KLHDC1: variants seen among roughly 807,000 people sequenced by gnomAD.
The protein encoded by KLHDC1 is kelch domain containing 1.
KLHDC1 carries 53 observed loss-of-function variants against 68.3 expected under a neutral mutation model. That is an observed-to-expected ratio of 0.78 (90% CI 0.62 to 0.98). The LOEUF (loss-of-function observed/expected upper bound fraction) is 0.98, where lower values mean the gene tolerates loss of function less well. KLHDC1 is among the 50% of genes least tolerant of loss of function. The pLI is 0.00. For synonymous variants in KLHDC1, 148 were observed against 159.0 expected (o/e 0.93, Z 0.52); for missense variants, 470 against 492.3 (o/e 0.95, Z 0.43).
At chr14:49,708,305 C>T (rs979912935) in intron 1 of KLHDC1, 1 of 151,642 alleles carries the variant, frequency 6.6e-6, no homozygotes, top group Non-Finnish European at 1.5e-5. Flanking sequence ...AACTCCTAAC[C>T]TCAGGTCATC....
chr14:49,697,191 T>G (rs913076699), intron 1 of KLHDC1, among the ~76,000 whole-genome samples: 3 of 152,234 alleles, frequency 2.0e-5, no homozygotes, highest in African/African-American at 7.2e-5. Context: ...CGCCTCGGCC[T>G]CCCAGAGTGC....
chr14:49,734,771 A>C, intron 10 of KLHDC1, 110 bp downstream of exon 10: 1 of 448,684 alleles, frequency 2.2e-6, no homozygotes, highest in Non-Finnish European at 4.0e-6. Context: ...ATTGAGAAGG[A>C]TATCTTTCAA....
rs140169504 is a variant in KLHDC1, at chr14:49,722,892, G to C, written c.405-982G>C. ...ACTTGAGGTCAGGAGTTCAAGACCA[G>C]CCTGGCCAACATGGTGAAACCCTGT... On this transcript the variant is annotated intron_variant, in intron 4 of 12. Coordinates refer to ENST00000359332, the MANE Select transcript of KLHDC1 (RefSeq NM_172193.3). 3.8e-3 allele frequency among the ~76,000 whole-genome samples: 575 copies of C among 152,042 alleles called. 3 individuals are homozygous for C. The highest frequency in any genetic ancestry group is 0.013 in the African/African-American group (555 of 41,464).
chr14:49,729,640 C>A, intron 8 of KLHDC1, 92 bp downstream of exon 8: 1 of 806,862 alleles, frequency 1.2e-6, no homozygotes, highest in South Asian at 1.6e-5. Context: ...TAAAACTGGA[C>A]TGGTATTTTT....
At position 49,709,973 on chromosome 14, in the gene KLHDC1, C is replaced by T. The variant is rs542490796; in HGVS notation, c.285+147C>T. On this transcript the variant is annotated intron_variant, in intron 3 of 12. Coordinates refer to ENST00000359332, the MANE Select transcript of KLHDC1 (RefSeq NM_172193.3). ...ATATTTTAAAGCTGGGTTGAAAATG[C>T]AGCAGTCCTGCTCTTCTCTTCTTCT... 1.1e-5 allele frequency: 6 copies of T among 531,492 alleles called. No homozygotes were observed. In the South Asian group the frequency reaches 1.2e-4, roughly 11 times the overall value. The allele number at this position is 531,492 out of a possible 1,614,324, so 32.9% of individuals were successfully genotyped here. A position where few individuals can be genotyped will look rare whatever the true frequency, so the allele number is the denominator to read the frequency against.
At chr14:49,729,627 C>T in intron 8 of KLHDC1, 79 bp downstream of exon 8, 1 of 897,888 alleles carries the variant, frequency 1.1e-6, no homozygotes, top group Admixed American at 2.3e-5. Flanking sequence ...AAATGTGAGT[C>T]TTTAAAACTG....
Position 49,751,780 on chromosome 14 carries a change from T to A in KLHDC1, c.*8T>A, listed in dbSNP as rs1019943835. 3 of 1,421,386 alleles carry A rather than the reference T, an allele frequency of 2.1e-6. No individual in the cohort carries two copies. In the East Asian group the frequency reaches 7.1e-5, roughly 34 times the overall value. The allele number at this position is 1,421,386 out of a possible 1,614,324, so 88.0% of individuals were successfully genotyped here. A position where few individuals can be genotyped will look rare whatever the true frequency, so the allele number is the denominator to read the frequency against. On this transcript the variant is annotated 3_prime_UTR_variant, in exon 13 of 13. Coordinates refer to ENST00000359332, the MANE Select transcript of KLHDC1 (RefSeq NM_172193.3). ...TGGATCAGTAGCAATTAAATTGTTA[T>A]ATACTTTACATATTTAGTATGTTTT... is the stretch of plus-strand genomic sequence containing the variant.
Position 49,693,144 on chromosome 14 carries a change from C to T in KLHDC1, c.-51C>T, listed in dbSNP as rs1887611276. On this transcript the variant is annotated 5_prime_UTR_variant, in exon 1 of 13. Transcript: ENST00000359332. ...CAGTCGGGGCTGGAGGCGAGGCCGC[C>T]GGGCGGGCAGGGGTTGTGGCGCGGC... 2.0e-6 allele frequency: 3 copies of T among 1,502,962 alleles called. No individual in the cohort carries two copies. The highest frequency in any genetic ancestry group is 2.0e-5 in the Admixed American group (1 of 50,296). The allele number at this position is 1,502,962 out of a possible 1,614,324, so 93.1% of individuals were successfully genotyped here.
At chr14:49,711,270 C>T (rs756287684) in intron 4 of KLHDC1, among the ~76,000 whole-genome samples, 6 of 152,154 alleles carry the variant, frequency 3.9e-5, no homozygotes, top group South Asian at 2.1e-4. Context: ...GGCGCAATCT[C>T]GGCTCACTGC....
intron 1 of KLHDC1, chr14:49,707,730 A>G (rs1888095167): frequency 6.9e-6 from 1 of 144,484 alleles, no homozygotes; most frequent in South Asian, 2.2e-4. Flanking sequence ...AGCTCACTAC[A>G]GCCTCGAACT....
intron 4 of KLHDC1, 28 bp from the exon 5 acceptor site, chr14:49,723,846 A>G: frequency 7.5e-7 from 1 of 1,325,056 alleles, no homozygotes; most frequent in Non-Finnish European, 1.1e-6. Flanking sequence ...GAATTCCTAA[A>G]GTGTGTCATT....
At chr14:49,714,245 G>A (rs575109033) in intron 4 of KLHDC1, among the ~76,000 whole-genome samples, 23 of 150,608 alleles carry the variant, frequency 1.5e-4, no homozygotes, top group African/African-American at 2.7e-4. Flanking sequence ...AGGCCGAGGC[G>A]CGCAGATCAC....
chr14:49,699,121 G>A (rs927938046), intron 1 of KLHDC1, among the ~76,000 whole-genome samples: 1 of 143,180 alleles, frequency 7.0e-6, no homozygotes, highest in Non-Finnish European at 1.5e-5. Context: ...CCGAGATCGT[G>A]CCACCGCACT....
intron 12 of KLHDC1, among the ~76,000 whole-genome samples, chr14:49,748,512 A>G (rs527862864): frequency 5.6e-4 from 85 of 152,292 alleles, no homozygotes; most frequent in Middle Eastern, 3.4e-3. Context: ...GCAGAAGATG[A>G]AAAAGTGTAG....
chr14:49,740,600 A>G (rs574610409), intron 11 of KLHDC1, among the ~76,000 whole-genome samples: 3 of 152,132 alleles, frequency 2.0e-5, no homozygotes, highest in South Asian at 4.2e-4. Context: ...CAGCCTCCCA[A>G]AGTGCTGGGA....
intron 6 of KLHDC1, among the ~76,000 whole-genome samples, chr14:49,728,230 G>C (rs575910899): frequency 2.0e-5 from 3 of 152,336 alleles, no homozygotes; most frequent in African/African-American, 7.2e-5. Context: ...GGTTGAGGCA[G>C]GAGAATCGCA....
At chr14:49,733,190 G>A (rs1373868699) in intron 9 of KLHDC1, among the ~76,000 whole-genome samples, 1 of 152,118 alleles carries the variant, frequency 6.6e-6, no homozygotes, top group African/African-American at 2.4e-5. Flanking sequence ...GCCTTTCTTA[G>A]AAGGCCCTGG....
In KLHDC1 at chr14:49,699,493, G is replaced by T. The variant is rs916415010; in HGVS notation, c.96+6203G>T. 1.8e-4 allele frequency among the ~76,000 whole-genome samples: 28 copies of T among 151,754 alleles called. 2 individuals are homozygous for T. Among genetic ancestry groups the T allele is most frequent in the Admixed American group, 1.6e-3 (24 of 15,212 alleles). On this transcript the variant is annotated intron_variant, in intron 1 of 12. Coordinates refer to ENST00000359332, the MANE Select transcript of KLHDC1 (RefSeq NM_172193.3). ...ATTCTTCTAACAATTATCTTATTCCGATCGTTCTAAACAAGATAGTTAAAA... is the reference window on the plus strand; with the variant it reads ...ATTCTTCTAACAATTATCTTATTCCTATCGTTCTAAACAAGATAGTTAAAA...
At chr14:49,705,416 T>G (rs996499966) in intron 1 of KLHDC1, among the ~76,000 whole-genome samples, 1 of 122,252 alleles carries the variant, frequency 8.2e-6, no homozygotes, top group Non-Finnish European at 1.6e-5. Context: ...TCACCCAGGC[T>G]GGAGTACAGT....
Sources: allele counts gnomAD v4.1 joint callset (sites outside exome capture counted in the v4.1 genomes callset), GRCh38; gene constraint gnomAD v4.1.1; transcripts MANE v1.5; gene names NCBI Gene and HGNC (gene_info 2026-07-23, HGNC 2026-07-21).